Variants in DACH2 observed in about 807,000 individuals in gnomAD.
The protein encoded by DACH2 is dachshund family transcription factor 2, also known as dachshund homolog 2.
In DACH2, 17 loss-of-function variants were observed where a neutral mutation model predicts 35.8. The ratio of observed to expected loss-of-function variants is 0.48; its 90% confidence interval spans 0.33 to 0.71. The LOEUF (loss-of-function observed/expected upper bound fraction) is 0.71. Ranked by LOEUF, DACH2 falls within the 30% of genes least tolerant of loss-of-function variation. The pLI is 0.02. For synonymous variants in DACH2, 195 were observed against 177.3 expected (o/e 1.10, Z -0.79); for missense variants, 469 against 472.7 (o/e 0.99, Z 0.07).
intron 2 of DACH2, among the ~76,000 whole-genome samples, chrX:86,489,361 T>C (rs750216622): frequency 1.8e-5 from 2 of 110,729 alleles, no homozygotes; most frequent in South Asian, 3.7e-4. Flanking sequence ...TAATAAAACC[T>C]CAGGCATATA....
chrX:86,546,033 T>A (rs1322149429), intron 3 of DACH2, among the ~76,000 whole-genome samples: 1 of 95,286 alleles, frequency 1.0e-5, no homozygotes, highest in Admixed American at 1.0e-4. Flanking sequence ...TATCACAGAA[T>A]ATGAAATAAA....
chrX:86,266,363 G>A (rs1406971764), intron 1 of DACH2, among the ~76,000 whole-genome samples: 1 of 111,512 alleles, frequency 9.0e-6, no homozygotes, highest in African/African-American at 3.3e-5. Flanking sequence ...TCATACAACC[G>A]TAGTCAACAA....
At chrX:86,232,582 C>T (rs148347314) in intron 1 of DACH2, among the ~76,000 whole-genome samples, 1,337 of 111,445 alleles carry the variant, frequency 0.012, 21 homozygotes, top group African/African-American at 0.041. Flanking sequence ...AGCCAACAAG[C>T]GTATGAAAAA....
At chrX:86,475,432 A>AATTTC (rs2037826913) in intron 2 of DACH2, among the ~76,000 whole-genome samples, 1 of 111,486 alleles carries the variant, frequency 9.0e-6, no homozygotes, top group Non-Finnish European at 1.9e-5. Context: ...CCAGGTATTT[A>AATTTC]ATTTCATTTA....
chrX:86,720,127 C>T (rs1053247908), intron 6 of DACH2, among the ~76,000 whole-genome samples: 32 of 107,349 alleles, frequency 3.0e-4, no homozygotes, highest in Non-Finnish European at 4.6e-4. Flanking sequence ...TTAGTAGAGA[C>T]GGGGTTTCAC....
At chrX:86,256,747 T>A (rs1197030751) in intron 1 of DACH2, among the ~76,000 whole-genome samples, 1 of 111,886 alleles carries the variant, frequency 8.9e-6, no homozygotes, top group Non-Finnish European at 1.9e-5. Flanking sequence ...TTTAATGAAT[T>A]GATAAATAAG....
chrX:86,701,368 A>G (rs755806122), intron 5 of DACH2, among the ~76,000 whole-genome samples: 49 of 111,703 alleles, frequency 4.4e-4, no homozygotes, highest in African/African-American at 1.5e-3. Flanking sequence ...CCGCAAAATA[A>G]TAAGAGCCAT....
intron 1 of DACH2, among the ~76,000 whole-genome samples, chrX:86,278,277 C>T (rs1336006005): frequency 8.9e-6 from 1 of 111,976 alleles, no homozygotes; most frequent in African/African-American, 3.2e-5. Flanking sequence ...GAGTACACAT[C>T]GCATAACCAA....
intron 2 of DACH2, among the ~76,000 whole-genome samples, chrX:86,439,205 G>A (rs1372182926): frequency 9.0e-6 from 1 of 111,629 alleles, no homozygotes. Context: ...TTTGGGAAAT[G>A]TCTATTCATG....
chrX:86,479,345 G>A (rs918440504), intron 2 of DACH2, among the ~76,000 whole-genome samples: 1 of 110,586 alleles, frequency 9.0e-6, no homozygotes, highest in East Asian at 2.9e-4. Flanking sequence ...TAGGTCTGTG[G>A]GCACAGGCCT....
At chrX:86,230,525 C>T (rs761664884) in intron 1 of DACH2, among the ~76,000 whole-genome samples, 84 of 111,346 alleles carry the variant, frequency 7.5e-4, no homozygotes, top group Admixed American at 5.3e-3. Context: ...AGGGTTCCTT[C>T]TTTCTCTCTC....
intron 6 of DACH2, among the ~76,000 whole-genome samples, chrX:86,737,000 G>A (rs1254897504): frequency 4.5e-5 from 5 of 111,379 alleles, no homozygotes; most frequent in Non-Finnish European, 7.6e-5. Context: ...GGCAAAAATG[G>A]CCACATATAT....
At chrX:86,814,557 C>G (rs963890828) in intron 9 of DACH2, 131 bp from the exon 10 acceptor site, 1 of 676,933 alleles carries the variant, frequency 1.5e-6, no homozygotes, top group African/African-American at 2.2e-5. Flanking sequence ...CAAAAGAACG[C>G]TAATCATATG....
At chrX:86,722,700 T>A (rs1469984131) in intron 6 of DACH2, among the ~76,000 whole-genome samples, 2 of 111,468 alleles carry the variant, frequency 1.8e-5, no homozygotes, top group Non-Finnish European at 3.8e-5. Flanking sequence ...ACACACTTGA[T>A]CATTATATAT....
chrX:86,290,210 TA>T (rs1221752615), intron 1 of DACH2, among the ~76,000 whole-genome samples: 1 of 74,330 alleles, frequency 1.3e-5, no homozygotes, highest in Non-Finnish European at 2.5e-5. Flanking sequence ...TTTGGCTGCA[TA>T]AATGTCTTCT....
At chrX:86,252,452 C>G (rs1174788570) in intron 1 of DACH2, among the ~76,000 whole-genome samples, 1 of 111,184 alleles carries the variant, frequency 9.0e-6, no homozygotes, top group Admixed American at 9.6e-5. Context: ...CTGATTTTAT[C>G]TTCTATAATT....
intron 2 of DACH2, among the ~76,000 whole-genome samples, chrX:86,452,230 G>T (rs1403708329): frequency 9.0e-6 from 1 of 111,681 alleles, no homozygotes; most frequent in Non-Finnish European, 1.9e-5. Flanking sequence ...TGGTTTGCCA[G>T]TATTTTATTA....
At chrX:86,823,071 G>A (rs746616753) in intron 11 of DACH2, among the ~76,000 whole-genome samples, 35 of 110,847 alleles carry the variant, frequency 3.2e-4, no homozygotes, top group Admixed American at 3.0e-3. Flanking sequence ...TTCTGCCTCC[G>A]CCTCCCAAGT....
At chrX:86,242,227 G>A (rs766093557) in intron 1 of DACH2, among the ~76,000 whole-genome samples, 22 of 112,421 alleles carry the variant, frequency 2.0e-4, no homozygotes, top group Non-Finnish European at 3.4e-4. Flanking sequence ...AGCAGCCAAA[G>A]GTGCTGTACC....
Sources: allele counts gnomAD v4.1 joint callset (sites outside exome capture counted in the v4.1 genomes callset), GRCh38; gene constraint gnomAD v4.1.1; transcripts MANE v1.5; gene names NCBI Gene and HGNC (gene_info 2026-07-23, HGNC 2026-07-21).